OLFM3: variants seen among roughly 807,000 people sequenced by gnomAD.
The protein encoded by OLFM3 is olfactomedin 3.
OLFM3 carries 20 observed loss-of-function variants against 48.6 expected under a neutral mutation model. The ratio of observed to expected loss-of-function variants is 0.41; its 90% CI spans 0.29 to 0.60. OLFM3 has a LOEUF of 0.60. Ranked by LOEUF, OLFM3 falls within the 20% of genes least tolerant of loss-of-function variation. The pLI is 0.28. For synonymous variants in OLFM3, 222 were observed against 198.1 expected, an observed-to-expected ratio of 1.12 and a Z score of -1.01; for missense variants, 437 against 544.3, an observed-to-expected ratio of 0.80 and a Z score of 1.96.
chr1:101,941,302 T>C (rs1659788666), intron 1 of OLFM3, among the ~76,000 whole-genome samples: 1 of 152,022 alleles, frequency 6.6e-6, no homozygotes, highest in Non-Finnish European at 1.5e-5. Context: ...AGCAGCAGTA[T>C]AATAATGGCA....
rs183715356 is a variant in OLFM3 at position 101,944,038 on chromosome 1, T to C, written c.69+52710A>G. On this transcript the variant is annotated intron_variant, in intron 1 of 5. Coordinates refer to ENST00000370103, the MANE Select transcript of OLFM3 (RefSeq NM_058170.4). ...TATATATATATCCATATCTAGGTTG[T>C]ATATATTTTTATATATATATATAGT... Among the ~76,000 whole-genome samples, 579 of 122,772 alleles carry C rather than the reference T, an allele frequency of 4.7e-3. 3 individuals carry two copies. The highest frequency in any genetic ancestry group is 0.015 in the African/African-American group (501 of 32,544). The allele number at this position is 122,772 out of a possible 152,430, so 80.5% of individuals were successfully genotyped here. A position where few individuals can be genotyped will look rare whatever the true frequency, so the allele number is the denominator to read the frequency against.
chr1:101,845,947 T>A (rs772435423), intron 1 of OLFM3, among the ~76,000 whole-genome samples: 2 of 152,224 alleles, frequency 1.3e-5, no homozygotes, highest in Non-Finnish European at 1.5e-5. Flanking sequence ...CTTTTTCTGA[T>A]CCACTGGAGT....
intron 1 of OLFM3, among the ~76,000 whole-genome samples, chr1:101,874,875 C>T (rs533748481): frequency 6.6e-6 from 1 of 152,062 alleles, no homozygotes; most frequent in African/African-American, 2.4e-5. Context: ...AACTGGCCAG[C>T]TGGAATTTTC....
At chr1:101,937,111 A>G (rs1372406932) in intron 1 of OLFM3, among the ~76,000 whole-genome samples, 1 of 152,144 alleles carries the variant, frequency 6.6e-6, no homozygotes, top group Non-Finnish European at 1.5e-5. Context: ...AAAACTGACA[A>G]ATGGGACCTA....
intron 1 of OLFM3, chr1:101,893,902 T>A (rs546875158): frequency 6.5e-6 from 1 of 154,116 alleles, no homozygotes; most frequent in African/African-American, 2.4e-5. Context: ...ATGAGATGAA[T>A]CAAGTAGAAT....
intron 1 of OLFM3, among the ~76,000 whole-genome samples, chr1:101,983,141 C>T (rs1238726349): frequency 6.6e-6 from 1 of 152,174 alleles, no homozygotes; most frequent in Non-Finnish European, 1.5e-5. Context: ...TTTACATCTT[C>T]ATCAGCCTCT....
chr1:101,939,291 G>A (rs748531838), intron 1 of OLFM3, among the ~76,000 whole-genome samples: 1 of 152,108 alleles, frequency 6.6e-6, no homozygotes, highest in Non-Finnish European at 1.5e-5. Flanking sequence ...AAATGTTAAT[G>A]TGTAGGAAAG....
chr1:101,874,302 T>A (rs554728502), intron 1 of OLFM3, among the ~76,000 whole-genome samples: 91 of 151,946 alleles, frequency 6.0e-4, no homozygotes, highest in African/African-American at 2.1e-3. Flanking sequence ...CCAATGAGTA[T>A]TAGTTGAATT....
intron 1 of OLFM3, among the ~76,000 whole-genome samples, chr1:101,884,825 C>T (rs1167817180): frequency 6.6e-6 from 1 of 151,888 alleles, no homozygotes; most frequent in Admixed American, 6.6e-5. Context: ...TTGCACAATG[C>T]CCCTGGCCAC....
intron 4 of OLFM3, chr1:101,812,492 A>G (rs993311919): frequency 1.0e-6 from 1 of 985,394 alleles, no homozygotes; most frequent in Non-Finnish European, 1.2e-6. Flanking sequence ...CATATTTCAG[A>G]TGTTGAGGTG....
At chr1:101,885,406 G>T (rs920313456) in intron 1 of OLFM3, among the ~76,000 whole-genome samples, 1 of 151,940 alleles carries the variant, frequency 6.6e-6, no homozygotes, top group Non-Finnish European at 1.5e-5. Context: ...GATGGAAAAA[G>T]GATTGGTACC....
At chr1:101,830,979 T>G (rs1037468386) in intron 2 of OLFM3, 152 bp from the exon 3 acceptor site, 9 of 636,874 alleles carry the variant, frequency 1.4e-5, no homozygotes, top group Admixed American at 6.5e-5. Flanking sequence ...GAACAATTCT[T>G]CATTATAAAC....
chr1:101,952,876 T>C (rs533828899), intron 1 of OLFM3, among the ~76,000 whole-genome samples: 12 of 152,134 alleles, frequency 7.9e-5, no homozygotes, highest in Non-Finnish European at 1.6e-4. Flanking sequence ...ACTACTCTCA[T>C]GATCTCATTC....
chr1:101,843,527 TA>T (rs1206658804), intron 1 of OLFM3, among the ~76,000 whole-genome samples: 1 of 151,814 alleles, frequency 6.6e-6, no homozygotes, highest in Non-Finnish European at 1.5e-5. Flanking sequence ...GGAAGGGGAA[TA>T]AAAAAGAAAG....
chr1:101,835,388 C>A (rs1049295763), intron 2 of OLFM3, among the ~76,000 whole-genome samples: 1 of 152,228 alleles, frequency 6.6e-6, no homozygotes, highest in African/African-American at 2.4e-5. Flanking sequence ...GTTCTCAGCT[C>A]ATTGCAACCT....
chr1:101,962,265 A>G (rs778629671), intron 1 of OLFM3, among the ~76,000 whole-genome samples: 1 of 152,092 alleles, frequency 6.6e-6, no homozygotes, highest in Non-Finnish European at 1.5e-5. Flanking sequence ...TGAATATTAT[A>G]CATCCCACCC....
intron 1 of OLFM3, among the ~76,000 whole-genome samples, chr1:101,861,096 G>A (rs1419964772): frequency 6.6e-6 from 1 of 151,958 alleles, no homozygotes; most frequent in African/African-American, 2.4e-5. Flanking sequence ...AATTCTTGCT[G>A]TGTTGCCCAG....
chr1:101,910,379 T>C (rs1388097211), intron 1 of OLFM3, among the ~76,000 whole-genome samples: 1 of 150,448 alleles, frequency 6.6e-6, no homozygotes, highest in Non-Finnish European at 1.5e-5. Context: ...GGCCAGAGAA[T>C]GGCGTGAACC....
Position 101,804,579 on chromosome 1 carries a change from C to T in OLFM3, c.1036G>A (p.Ala346Thr). Residue 346 changes from alanine (A) to threonine (T), a missense_variant, in exon 6 of 6, where the codon GCA (alanine) becomes ACA (threonine). By Grantham distance (58) the Ala-to-Thr change is moderately conservative. Around this residue, in one of 3 missense-constraint regions of OLFM3, gnomAD observed 108 missense variants for 135.8 expected, o/e 0.80. Transcript: ENST00000370103. The surrounding 1 kb of genome is among the most constrained non-coding windows in gnomAD (Gnocchi z 4.5). Reference sequence around the variant, plus strand: ...AGTTGGCTGATGACAATATTGCCTGCATTCTGGTTAGTTGCATACACAGCC... The same window carrying T: ...AGTTGGCTGATGACAATATTGCCTGTATTCTGGTTAGTTGCATACACAGCC... ...LWAVYATNQN[A>T]GNIVISQLNQ... is the part of the protein sequence containing the mutation. 1 of 1,612,570 alleles carries T rather than the reference C, an allele frequency of 6.2e-7. No homozygotes were observed. The highest frequency in any genetic ancestry group is 8.5e-7 in the Non-Finnish European group (1 of 1,179,136).
Sources: allele counts gnomAD v4.1 joint callset (sites outside exome capture counted in the v4.1 genomes callset), GRCh38; gene constraint gnomAD v4.1.1; regional missense constraint gnomAD v4.1.1; non-coding constraint Gnocchi (gnomAD v3.1); transcripts MANE v1.5; gene names NCBI Gene and HGNC (gene_info 2026-07-23, HGNC 2026-07-21).